Variants in SEM1 observed in about 807,000 individuals in gnomAD.
The protein encoded by SEM1 is SEM1 26S proteasome subunit, also known as 26S proteasome complex subunit SEM1.
SEM1 carries 3 observed loss-of-function variants against 12.7 expected under a neutral mutation model. The observed-to-expected ratio is 0.24, with a 90% CI of 0.11 to 0.61. The LOEUF (loss-of-function observed/expected upper bound fraction) is 0.61. Among genes scored for constraint, SEM1 ranks in the 20% least tolerant of loss-of-function variants. SEM1 has a pLI of 0.88. For synonymous variants in SEM1, 30 were observed against 27.8 expected, an observed-to-expected ratio of 1.08 and a Z score of -0.25; for missense variants, 59 against 81.3, an observed-to-expected ratio of 0.73 and a Z score of 1.06.
At chr7:96,706,811 C>A (rs1790482248) in intron 1 of SEM1, among the ~76,000 whole-genome samples, 1 of 152,126 alleles carries the variant, frequency 6.6e-6, no homozygotes, top group Admixed American at 6.5e-5. Flanking sequence ...AATCCACTTT[C>A]TGGAGCACTG....
chr7:96,641,081 A>T lies in SEM1; in HGVS notation c.171-18438T>A, dbSNP rs543452494. ...TTTTTGATAACATACTTTCCTAAAA[A>T]TTTTTCAATTTTTTCAATATTTTTA... On this transcript the variant is annotated intron_variant, in intron 2 of 2. Coordinates refer to the SEM1 transcript ENST00000417009. Among the ~76,000 whole-genome samples the T allele has an allele frequency of 1.3e-4, 19 of 151,674 alleles. No individual in the cohort carries two copies. The South Asian group carries it at 3.5e-3, about 28-fold the overall frequency.
At chr7:96,705,978 A>G (rs1033366635) in intron 1 of SEM1, among the ~76,000 whole-genome samples, 1 of 152,186 alleles carries the variant, frequency 6.6e-6, no homozygotes, top group African/African-American at 2.4e-5. Flanking sequence ...TTCCAAAATC[A>G]TATCAAAATC....
chr7:96,540,230 T>C (rs1804904051), intron 2 of SEM1, among the ~76,000 whole-genome samples: 1 of 151,572 alleles, frequency 6.6e-6, no homozygotes, highest in African/African-American at 2.4e-5. Flanking sequence ...ACATCACCAA[T>C]TAATAAAATT....
At chr7:96,519,146 C>G (rs147905171) in intron 2 of SEM1, among the ~76,000 whole-genome samples, 3 of 152,132 alleles carry the variant, frequency 2.0e-5, no homozygotes, top group Non-Finnish European at 4.4e-5. Context: ...AATTATTGGT[C>G]TCATGTAATT....
At chr7:96,488,235 T>C (rs1242767032) in intron 1 of SEM1, among the ~76,000 whole-genome samples, 2 of 152,048 alleles carry the variant, frequency 1.3e-5, no homozygotes, top group East Asian at 1.9e-4. Context: ...TGAGCAATCA[T>C]GGGTCTGCTT....
intron 2 of SEM1, among the ~76,000 whole-genome samples, chr7:96,540,958 G>A (rs1037534040): frequency 1.3e-5 from 2 of 151,702 alleles, no homozygotes; most frequent in African/African-American, 4.8e-5. Context: ...AGCATATATG[G>A]ACCACATTTT....
At chr7:96,556,680 C>A (rs1805513787) in intron 2 of SEM1, among the ~76,000 whole-genome samples, 1 of 114,734 alleles carries the variant, frequency 8.7e-6, no homozygotes, top group African/African-American at 3.1e-5. Flanking sequence ...TGGAGTCGCT[C>A]TTCTCGAGGA....
chr7:96,543,651 C>G (rs963788818), intron 2 of SEM1, among the ~76,000 whole-genome samples: 1 of 151,838 alleles, frequency 6.6e-6, no homozygotes, highest in Non-Finnish European at 1.5e-5. Flanking sequence ...TAGCATTAAC[C>G]TAAGGAAATA....
intron 1 of SEM1, 39 bp from the exon 2 acceptor site, chr7:96,694,930 ACATT>A (rs1448829150): frequency 1.8e-5 from 26 of 1,432,200 alleles, no homozygotes; most frequent in Non-Finnish European, 2.4e-5. Context: ...TATTTCTCAT[ACATT>A]ATTTCCACAA....
At chr7:96,658,207 TG>T (rs1809245926) in intron 2 of SEM1, among the ~76,000 whole-genome samples, 1 of 151,978 alleles carries the variant, frequency 6.6e-6, no homozygotes, top group South Asian at 2.1e-4. Flanking sequence ...ACTGCCAGGG[TG>T]GTGTTTTGCT....
rs369899559 is a variant in SEM1 at position 96,649,421 on chromosome 7, A to G, written c.171-26778T>C. ...TAAGGTAATTTTTCTGAGGTACAAC[A>G]AAATATCTAGGAAATTAAGATAATT... On this transcript the variant is annotated intron_variant, in intron 2 of 2. Coordinates refer to the SEM1 transcript ENST00000417009. 90 of 152,326 alleles carry G rather than the reference A, an allele frequency of 5.9e-4. 2 individuals carry two copies. The highest frequency in any genetic ancestry group is 3.4e-3 in the Middle Eastern group (1 of 294). 9.4% of individuals were successfully genotyped at this position (152,326 alleles called of 1,614,324 possible).
chr7:96,590,237 A>G (rs1018457326), intron 2 of SEM1, among the ~76,000 whole-genome samples: 1 of 152,166 alleles, frequency 6.6e-6, no homozygotes, highest in East Asian at 1.9e-4. Context: ...CTTAAATTTG[A>G]GTTTCAGATA....
chr7:96,538,237 C>T (rs1367440605), intron 2 of SEM1, among the ~76,000 whole-genome samples: 1 of 151,804 alleles, frequency 6.6e-6, no homozygotes, highest in Admixed American at 6.6e-5. Flanking sequence ...ACATATTAAG[C>T]ATAGCTATTT....
At chr7:96,588,349 AACAAACACACACACAC>A (rs1196795553) in intron 2 of SEM1, among the ~76,000 whole-genome samples, 3 of 72,800 alleles carry the variant, frequency 4.1e-5, no homozygotes, top group East Asian at 4.4e-4. Context: ...CATGTCTAAA[AACAAACACACACACAC>A]ACACACACAC....
intron 2 of SEM1, among the ~76,000 whole-genome samples, chr7:96,583,556 A>G (rs933663873): frequency 6.7e-6 from 1 of 149,684 alleles, no homozygotes; most frequent in Non-Finnish European, 1.5e-5. Context: ...TGATCTGTCT[A>G]ATGTTGACAG....
intron 2 of SEM1, among the ~76,000 whole-genome samples, chr7:96,541,575 CTTG>C (rs1184844758): frequency 2.0e-5 from 3 of 150,246 alleles, no homozygotes; most frequent in Non-Finnish European, 4.4e-5. Flanking sequence ...GACAGTTTCT[CTTG>C]TTGTGCAGAA....
chr7:96,598,236 A>C (rs1807066883), intron 2 of SEM1, among the ~76,000 whole-genome samples: 1 of 152,184 alleles, frequency 6.6e-6, no homozygotes, highest in Non-Finnish European at 1.5e-5. Flanking sequence ...TGGTAGAGTC[A>C]GGGATTATTA....
upstream of SEM1, chr7:96,496,372 A>G (rs909511196): frequency 8.7e-7 from 1 of 1,143,758 alleles, no homozygotes; most frequent in Non-Finnish European, 1.2e-6. Context: ...ATTCAAATGT[A>G]ATATAAAAGA....
chr7:96,529,723 C>T (rs1804584411), intron 2 of SEM1, among the ~76,000 whole-genome samples: 1 of 152,106 alleles, frequency 6.6e-6, no homozygotes, highest in Admixed American at 6.6e-5. Context: ...AAATAGTTGT[C>T]CAAGTGTTTT....
Sources: allele counts gnomAD v4.1 joint callset (sites outside exome capture counted in the v4.1 genomes callset), GRCh38; gene constraint gnomAD v4.1.1; transcripts MANE v1.5; gene names NCBI Gene and HGNC (gene_info 2026-07-23, HGNC 2026-07-21).